Variants in SMARCA4 observed in about 807,000 individuals in gnomAD.
SMARCA4 encodes SWI/SNF related BAF chromatin remodeling complex subunit ATPase 4, also known as SWI/SNF-related matrix-associated actin-dependent regulator of chromatin subfamily A member 4.
In SMARCA4, 31 loss-of-function variants were observed where a neutral mutation model predicts 193.9. The ratio of observed to expected loss-of-function variants is 0.16; its 90% confidence interval spans 0.12 to 0.22. The LOEUF (loss-of-function observed/expected upper bound fraction) is 0.22, where lower values mean the gene tolerates loss of function less well. Among genes scored for constraint, SMARCA4 ranks in the 10% least tolerant of loss-of-function variants. The probability of loss-of-function intolerance (pLI) is 1.00; values close to 1 mark genes in which losing one functional copy is unlikely to be tolerated. For missense variants in SMARCA4, 1,148 were observed against 2,296.0 expected, an observed-to-expected ratio of 0.50 and a Z score of 10.22; for synonymous variants, 942 against 933.1, an observed-to-expected ratio of 1.01 and a Z score of -0.17.
At chr19:10,967,939 C>T (rs1186901151) in intron 1 of SMARCA4, among the ~76,000 whole-genome samples, 5 of 151,462 alleles carry the variant, frequency 3.3e-5, no homozygotes, top group Admixed American at 6.6e-5. Flanking sequence ...TGCAATGGCA[C>T]GATCTTGGCT....
chr19:11,008,534 C>T (rs193213758), intron 14 of SMARCA4, among the ~76,000 whole-genome samples: 2 of 152,322 alleles, frequency 1.3e-5, no homozygotes, highest in African/African-American at 2.4e-5. Flanking sequence ...TGTCATACTG[C>T]GTCACGTTAT....
At chr19:10,980,076 C>T (rs2085442193) in intron 1 of SMARCA4, among the ~76,000 whole-genome samples, 1 of 152,200 alleles carries the variant, frequency 6.6e-6, no homozygotes, top group African/African-American at 2.4e-5. Flanking sequence ...CCAGCAACCT[C>T]ATCACAGGCT....
chr19:11,010,338 T>C (rs767501603), intron 14 of SMARCA4, 43 bp from the exon 15 acceptor site: 2 of 1,609,254 alleles, frequency 1.2e-6, no homozygotes, highest in Non-Finnish European at 1.7e-6. Flanking sequence ...TTGTCACAGA[T>C]AGGAATGTGT....
chr19:10,964,506 T>C (rs993493337), intron 1 of SMARCA4, among the ~76,000 whole-genome samples: 1 of 152,008 alleles, frequency 6.6e-6, no homozygotes, highest in Admixed American at 6.6e-5. Flanking sequence ...AGATGGGATT[T>C]CATCATGTTG....
rs1568514190 is a variant in SMARCA4, at chr19:11,034,954, C to A, written c.3992C>A (p.Pro1331His). The change falls in exon 29 of 35, where the codon CCC (proline) becomes CAC (histidine). Residue 1331 changes from proline to histidine, a missense_variant. Coordinates refer to ENST00000344626, the MANE Select transcript of SMARCA4 (RefSeq NM_003072.5). The surrounding 1 kb of genome is among the most constrained non-coding windows in gnomAD (Gnocchi z 7.0). ...LDRRREEARNPKRKPRLMEED... is the reference protein window; with the variant it reads ...LDRRREEARNHKRKPRLMEED... ...CGCAGGCGCGAGGAGGCCCGCAACCCCAAGCGGAAGCCGCGCCTCATGGAG... is the reference window on the plus strand; with the variant it reads ...CGCAGGCGCGAGGAGGCCCGCAACCACAAGCGGAAGCCGCGCCTCATGGAG... 6.3e-7 allele frequency: 1 copy of A among 1,594,140 alleles called. No homozygotes were observed. The highest frequency in any genetic ancestry group is 1.1e-5 in the South Asian group (1 of 88,172).
chr19:10,978,600 AC>A (rs967016448), intron 1 of SMARCA4, among the ~76,000 whole-genome samples: 5 of 150,938 alleles, frequency 3.3e-5, no homozygotes, highest in African/African-American at 1.2e-4. Flanking sequence ...TGCTGGGATT[AC>A]AGGTATGAGC....
chr19:10,974,914 C>T (rs4804557), intron 1 of SMARCA4, among the ~76,000 whole-genome samples: 36,262 of 149,216 alleles, frequency 0.24, 4,429 homozygotes, highest in South Asian at 0.31. Flanking sequence ...CCACGTTTGC[C>T]AGGCTGGTCT....
chr19:10,989,838 A>G (rs2145858766), intron 7 of SMARCA4, among the ~76,000 whole-genome samples: 1 of 151,906 alleles, frequency 6.6e-6, no homozygotes, highest in African/African-American at 2.4e-5. Context: ...AGTAGCTGGG[A>G]TTACAAGCGT....
At chr19:10,962,588 G>T (rs1173654731) in intron 1 of SMARCA4, among the ~76,000 whole-genome samples, 3 of 152,208 alleles carry the variant, frequency 2.0e-5, no homozygotes, top group Non-Finnish European at 1.5e-5. Flanking sequence ...TGTCGCCCAG[G>T]CTGGAGTTCA....
rs1489615957 is a variant in SMARCA4 at position 10,989,319 on chromosome 19, T to C, written c.1121T>C (p.Leu374Pro). The part of the protein sequence containing the change: ...VEILQEREYR[L>P]QARIAHRIQE... ...TTGCTCCTTGTCTCTGCTCCCAGGC[T>C]GCAGGCTCGCATCGCACACCGAATT... The change falls in exon 7 of 35, where the codon CTG (leucine) becomes CCG (proline). Residue 374 changes from leucine to proline, a missense_variant and splice_region_variant. Around this residue, in one of 17 missense-constraint regions of SMARCA4, gnomAD observed 257 missense variants for 276.5 expected, o/e 0.93. Coordinates refer to ENST00000344626, the MANE Select transcript of SMARCA4 (RefSeq NM_003072.5). The C allele has an allele frequency of 6.2e-7, 1 of 1,614,102 alleles. No individual in the cohort carries two copies.
chr19:10,988,601 C>T (rs1190649049), intron 6 of SMARCA4, among the ~76,000 whole-genome samples: 2 of 152,218 alleles, frequency 1.3e-5, no homozygotes, highest in Non-Finnish European at 2.9e-5. Context: ...GACCTTTGCA[C>T]AGGCTGTGCA....
At chr19:10,994,148 C>T (rs1437987162) in intron 8 of SMARCA4, among the ~76,000 whole-genome samples, 1 of 149,350 alleles carries the variant, frequency 6.7e-6, no homozygotes, top group Admixed American at 6.7e-5. Flanking sequence ...CAAGCGATTC[C>T]CCTGCTTTGG....
chr19:11,061,302 A>T (rs2076881426), intron 34 of SMARCA4, among the ~76,000 whole-genome samples: 1 of 147,092 alleles, frequency 6.8e-6, no homozygotes, highest in African/African-American at 2.5e-5. Flanking sequence ...GCTGTAGGTC[A>T]GGGGCCAAGG....
At chr19:11,012,713 G>A (rs1202963686) in intron 15 of SMARCA4, 4 of 568,492 alleles carry the variant, frequency 7.0e-6, no homozygotes, top group African/African-American at 3.7e-5. Context: ...AATGTCACAC[G>A]TGTCCATCGT....
At chr19:11,046,483 G>C (rs559543079) in intron 30 of SMARCA4, among the ~76,000 whole-genome samples, 9 of 152,272 alleles carry the variant, frequency 5.9e-5, no homozygotes, top group Admixed American at 5.2e-4. Context: ...CCTGGGGGTC[G>C]CCCATTGGAC....
chr19:11,015,052 A>G (rs1211153595), intron 16 of SMARCA4, among the ~76,000 whole-genome samples: 1 of 152,028 alleles, frequency 6.6e-6, no homozygotes, highest in Non-Finnish European at 1.5e-5. Flanking sequence ...TGACCCCATG[A>G]TCTGCCCGCC....
rs545420005 is a variant in SMARCA4 at position 10,979,079 on chromosome 19, A to G, written c.-31-5042A>G. On this transcript the variant is annotated intron_variant, in intron 1 of 34. Transcript: ENST00000344626. Reference sequence around the variant, plus strand: ...GAAGATGCGATTGGACATTGGCAACATTGTTAAAAGTTGTAAGGACTGACA... The same window carrying G: ...GAAGATGCGATTGGACATTGGCAACGTTGTTAAAAGTTGTAAGGACTGACA... Among the ~76,000 whole-genome samples, 5 of 152,316 alleles carry G rather than the reference A, an allele frequency of 3.3e-5. No homozygotes were observed. The East Asian group carries it at 7.7e-4, about 24-fold the overall frequency.
In SMARCA4 at chr19:11,031,339, G is replaced by T; in HGVS notation, c.3546+446G>T. 1 of 212,740 alleles carries T rather than the reference G, an allele frequency of 4.7e-6. No homozygotes were observed. Among genetic ancestry groups the T allele is most frequent in the African/African-American group, 2.3e-5 (1 of 44,154 alleles). 13.2% of individuals were successfully genotyped at this position (212,740 alleles called of 1,614,324 possible). A position where few individuals can be genotyped will look rare whatever the true frequency, so the allele number is the denominator to read the frequency against. Reference sequence around the variant, plus strand: ...TGTTCCATAACCATGTACCCCTCATGGGCCTCGGCATCGGTGGATACCAGG... The same window carrying T: ...TGTTCCATAACCATGTACCCCTCATTGGCCTCGGCATCGGTGGATACCAGG... On this transcript the variant is annotated intron_variant, in intron 25 of 34. Coordinates refer to ENST00000344626, the MANE Select transcript of SMARCA4 (RefSeq NM_003072.5). The surrounding 1 kb of genome is among the most constrained non-coding windows in gnomAD (Gnocchi z 4.3).
Position 10,987,608 on chromosome 19 carries a change from C to T in SMARCA4, c.860-58C>T, listed in dbSNP as rs2086168310. 1 of 1,605,558 alleles carries T rather than the reference C, an allele frequency of 6.2e-7. No homozygotes were observed. The highest frequency in any genetic ancestry group is 8.5e-7 in the Non-Finnish European group (1 of 1,173,550). ...AAGCAGCTCAGCAGCTTTCCATTTC[C>T]AGCCCGGGATGGGCCCCAGAGCTCA... On this transcript the variant is annotated intron_variant, in intron 5 of 34. Coordinates refer to ENST00000344626, the MANE Select transcript of SMARCA4 (RefSeq NM_003072.5). This position sits in a 1 kb window ranked among gnomAD's most constrained non-coding sequence, Gnocchi z 5.3.
Sources: allele counts gnomAD v4.1 joint callset (sites outside exome capture counted in the v4.1 genomes callset), GRCh38; gene constraint gnomAD v4.1.1; regional missense constraint gnomAD v4.1.1; non-coding constraint Gnocchi (gnomAD v3.1); transcripts MANE v1.5; gene names NCBI Gene and HGNC (gene_info 2026-07-23, HGNC 2026-07-21).